The following RUNX1T1 variants were observed in gnomAD, a reference collection of about 807,000 sequenced individuals.
The protein encoded by RUNX1T1 is protein CBFA2T1.
A neutral mutation model predicts 62.8 loss-of-function variants in RUNX1T1; 4 were observed. The observed-to-expected ratio is 0.06, with a 90% CI of 0.03 to 0.15. RUNX1T1 has a LOEUF of 0.15. RUNX1T1 is among the 10% of genes least tolerant of loss of function. The probability of loss-of-function intolerance (pLI) is 1.00; values close to 1 mark genes in which losing one functional copy is unlikely to be tolerated. For synonymous variants in RUNX1T1, 291 were observed against 286.0 expected (o/e 1.02, Z -0.18); for missense variants, 508 against 754.3 (o/e 0.67, Z 3.82).
intron 1 of RUNX1T1, among the ~76,000 whole-genome samples, chr8:92,023,412 A>G (rs1245874197): frequency 6.6e-6 from 1 of 152,192 alleles, no homozygotes; most frequent in African/African-American, 2.4e-5. Flanking sequence ...AAATACAATC[A>G]CTTTGAAAGT....
At chr8:92,081,839 C>T (rs1301979682) in intron 1 of RUNX1T1, among the ~76,000 whole-genome samples, 1 of 152,090 alleles carries the variant, frequency 6.6e-6, no homozygotes, top group Non-Finnish European at 1.5e-5. Context: ...TTCCTCCCTC[C>T]CTTTGTCTCT....
Position 92,008,388 on chromosome 8 carries a change from T to TCACATA in RUNX1T1, c.477+2613_477+2614insTATGTG, listed in dbSNP as rs1554617951. On this transcript the variant is annotated intron_variant, in intron 4 of 10. Coordinates refer to ENST00000396218, the Ensembl canonical transcript of RUNX1T1. ...ACATATCTCTCTCTCTCTCTCTCTC[T>TCACATA]CACACACACACACACACACACACAC... Among the ~76,000 whole-genome samples, 4 of 131,966 alleles carry TCACATA rather than the reference T, an allele frequency of 3.0e-5. No individual in the cohort carries two copies. The East Asian group carries it at 8.9e-4, about 29-fold the overall frequency. The allele number at this position is 131,966 out of a possible 152,430, so 86.6% of individuals were successfully genotyped here.
chr8:92,021,886 T>C (rs1049020645), intron 1 of RUNX1T1, among the ~76,000 whole-genome samples: 2 of 150,544 alleles, frequency 1.3e-5, no homozygotes, highest in Admixed American at 6.7e-5. Context: ...GCCTTTCTTT[T>C]ACTTGCTGTT....
At chr8:92,055,758 T>C (rs1158538380) in intron 1 of RUNX1T1, among the ~76,000 whole-genome samples, 1 of 152,254 alleles carries the variant, frequency 6.6e-6, no homozygotes, top group East Asian at 1.9e-4. Flanking sequence ...AAAATAAATA[T>C]TGAATAGAAA....
chr8:92,084,163 T>C (rs1486703463), intron 1 of RUNX1T1, among the ~76,000 whole-genome samples: 1 of 152,024 alleles, frequency 6.6e-6, no homozygotes, highest in Admixed American at 6.6e-5. Context: ...AGGTTGATGG[T>C]TGCTGCAAAC....
chr8:92,088,107 G>A (rs1253304943), intron 1 of RUNX1T1, among the ~76,000 whole-genome samples: 1 of 152,216 alleles, frequency 6.6e-6, no homozygotes, highest in Non-Finnish European at 1.5e-5. Flanking sequence ...CAAAGGAGCT[G>A]TGGAGTAAAG....
At chr8:91,970,043 T>TGTGTGTGTGTGTGTGTTGTGTGTG (rs11374252) in intron 10 of RUNX1T1, among the ~76,000 whole-genome samples, 8 of 142,810 alleles carry the variant, frequency 5.6e-5, no homozygotes, top group African/African-American at 1.9e-4. Context: ...TGTGTGTGTG[T>TGTGTGTGTGTGTGTGTTGTGTGTG]TGTGTGTGTG....
rs987390343 is a variant in RUNX1T1 at position 91,970,931 on chromosome 8, A to AT, written c.1268-84dup. ...TTGGATACGGATTACTTTTCTTTTAATTTTTTTTTTCTTTCCGAGGCTGGT... is the reference window on the plus strand; with the variant it reads ...TTGGATACGGATTACTTTTCTTTTAATTTTTTTTTTTCTTTCCGAGGCTGGT... On this transcript the variant is annotated intron_variant, in intron 9 of 10. Transcript: ENST00000396218. 7.7e-3 allele frequency: 8,758 copies of AT among 1,131,724 alleles called. 1 individual carries two copies. Among genetic ancestry groups the AT allele is most frequent in the South Asian group, 0.012 (583 of 46,706 alleles). 70.1% of individuals were successfully genotyped at this position (1,131,724 alleles called of 1,614,324 possible). A position where few individuals can be genotyped will look rare whatever the true frequency, so the allele number is the denominator to read the frequency against.
At chr8:92,045,088 C>T (rs1400247444) in intron 1 of RUNX1T1, among the ~76,000 whole-genome samples, 3 of 148,824 alleles carry the variant, frequency 2.0e-5, no homozygotes, top group South Asian at 2.1e-4. Flanking sequence ...AAAAAGATAT[C>T]GATATATATA....
At chr8:92,040,591 C>A (rs1232441012) in intron 1 of RUNX1T1, among the ~76,000 whole-genome samples, 2 of 152,186 alleles carry the variant, frequency 1.3e-5, no homozygotes, top group African/African-American at 4.8e-5. Context: ...GCACCAGAAC[C>A]TTCCCTGAAC....
upstream of RUNX1T1, chr8:92,103,152 G>GCTCTGCTC (rs1400940454): frequency 2.1e-5 from 8 of 376,594 alleles, no homozygotes; most frequent in Non-Finnish European, 3.8e-5. Flanking sequence ...GACTTGCGGA[G>GCTCTGCTC]CTCTGCTCCC....
intron 1 of RUNX1T1, among the ~76,000 whole-genome samples, chr8:92,019,409 G>A (rs1823650973): frequency 6.6e-6 from 1 of 152,072 alleles, no homozygotes; most frequent in Admixed American, 6.6e-5. Context: ...ACAGAGAAAG[G>A]AAGAGCAGGA....
At chr8:92,075,596 C>T (rs879580159) in intron 2 of RUNX1T1, among the ~76,000 whole-genome samples, 2 of 152,120 alleles carry the variant, frequency 1.3e-5, no homozygotes, top group Admixed American at 1.3e-4. Context: ...CTCCTCGTTA[C>T]AATAAACACA....
At chr8:91,978,929 A>G (rs1341294788) in intron 8 of RUNX1T1, among the ~76,000 whole-genome samples, 2 of 152,238 alleles carry the variant, frequency 1.3e-5, no homozygotes, top group Admixed American at 1.3e-4. Context: ...TAGAAACCCA[A>G]TAGAAATGCT....
At chr8:91,959,888 C>T in exon 11 of RUNX1T1, 1 of 310,506 alleles carries the variant, frequency 3.2e-6, no homozygotes, top group Non-Finnish European at 6.1e-6. Context: ...TCTTGGTTTG[C>T]TGTTTGGTAA....
intron 5 of RUNX1T1, among the ~76,000 whole-genome samples, chr8:91,994,933 T>G (rs1289607382): frequency 6.6e-6 from 1 of 152,244 alleles, no homozygotes; most frequent in African/African-American, 2.4e-5. Context: ...GCCATAGTTA[T>G]GCAGATCAAA....
At chr8:92,093,751 T>G (rs10106241) in intron 1 of RUNX1T1, among the ~76,000 whole-genome samples, 199 of 152,320 alleles carry the variant, frequency 1.3e-3, no homozygotes, top group African/African-American at 4.7e-3. Context: ...ACTGGTCACC[T>G]AAATAGTGAC....
chr8:92,066,329 T>C (rs184368103), upstream of RUNX1T1, among the ~76,000 whole-genome samples: 443 of 152,306 alleles, frequency 2.9e-3, 2 homozygotes, highest in Non-Finnish European at 4.7e-3. Context: ...CACTTTCAAT[T>C]TCAGACCACT....
intron 1 of RUNX1T1, among the ~76,000 whole-genome samples, chr8:92,057,294 A>G (rs1831195206): frequency 6.6e-6 from 1 of 152,216 alleles, no homozygotes. Flanking sequence ...AAGCCACAAC[A>G]TACCCAACCC....
Sources: gnomAD v4.1 joint callset for allele counts (sites outside exome capture counted in the v4.1 genomes callset) on GRCh38, gnomAD v4.1.1 for gene constraint, MANE v1.5 for transcripts, NCBI Gene and HGNC (gene_info 2026-07-23, HGNC 2026-07-21) for gene names.